Variants in GTF2F2 observed in about 807,000 individuals in gnomAD.
The protein encoded by GTF2F2 is general transcription factor IIF subunit 2.
GTF2F2 carries 23 observed loss-of-function variants against 42.2 expected under a neutral mutation model. That is an observed-to-expected ratio of 0.55 (90% CI 0.39 to 0.77). The LOEUF (loss-of-function observed/expected upper bound fraction) is 0.77, where lower values mean the gene tolerates loss of function less well. Ranked by LOEUF, GTF2F2 falls within the 30% of genes least tolerant of loss-of-function variation. GTF2F2 has a pLI of 0.00. For synonymous variants in GTF2F2, 105 were observed against 100.8 expected (o/e 1.04, Z -0.25); for missense variants, 261 against 287.2 (o/e 0.91, Z 0.66).
intron 4 of GTF2F2, among the ~76,000 whole-genome samples, chr13:45,197,485 G>A (rs1388844273): frequency 6.7e-6 from 1 of 149,262 alleles, no homozygotes; most frequent in African/African-American, 2.5e-5. Context: ...CTCCAGTCTG[G>A]GCAACACAGT....
chr13:45,120,598 G>T lies in GTF2F2; in HGVS notation c.-58G>T. ...CTTTGTTCCGGACGCCCGCTCCTCA[G>T]CCCTGCGGCTCCTGGGGTCGCTGCT... On this transcript the variant is annotated 5_prime_UTR_variant, in exon 1 of 8. Coordinates refer to ENST00000340473, the MANE Select transcript of GTF2F2 (RefSeq NM_004128.3). 4 of 1,315,174 alleles carry T rather than the reference G, an allele frequency of 3.0e-6. No homozygotes were observed. Among genetic ancestry groups the T allele is most frequent in the Non-Finnish European group, 4.3e-6 (4 of 932,930 alleles). The allele number at this position is 1,315,174 out of a possible 1,614,324, so 81.5% of individuals were successfully genotyped here.
Position 45,255,114 on chromosome 13 carries a change from C to T in GTF2F2, c.486+2144C>T, listed in dbSNP as rs55953720. ...CCAGGAGGCAGAAGTTGCAGTGAGC[C>T]GAGATCACACCATTGCACTCCAGCC... On this transcript the variant is annotated intron_variant, in intron 6 of 7. Transcript: ENST00000340473. Among the ~76,000 whole-genome samples, 886 of 137,550 alleles carry T rather than the reference C, an allele frequency of 6.4e-3. 3 individuals carry two copies. The highest frequency in any genetic ancestry group is 0.023 in the African/African-American group (829 of 36,246). 90.2% of individuals were successfully genotyped at this position (137,550 alleles called of 152,430 possible).
chr13:45,176,337 C>T (rs972595149), intron 4 of GTF2F2, among the ~76,000 whole-genome samples: 1 of 152,102 alleles, frequency 6.6e-6, no homozygotes, highest in East Asian at 1.9e-4. Context: ...AAAATCTTAA[C>T]TGTTATGGTG....
chr13:45,255,011 A>G (rs1409313504), intron 6 of GTF2F2, among the ~76,000 whole-genome samples: 2 of 152,012 alleles, frequency 1.3e-5, no homozygotes, highest in Non-Finnish European at 2.9e-5. Context: ...TACTAAAAAT[A>G]CAAAAATTAG....
intron 2 of GTF2F2, among the ~76,000 whole-genome samples, chr13:45,137,137 G>A (rs1032704649): frequency 6.6e-6 from 1 of 152,198 alleles, no homozygotes; most frequent in African/African-American, 2.4e-5. Context: ...GCTTAGGCTG[G>A]GTATAACTGG....
At chr13:45,124,285 T>C (rs1868851353) in intron 1 of GTF2F2, 1 of 249,980 alleles carries the variant, frequency 4.0e-6, no homozygotes, top group East Asian at 1.0e-4. Flanking sequence ...GGTTTCACCG[T>C]GTTAGCCAGG....
At chr13:45,235,039 CTCAAA>C (rs1477582475) in intron 5 of GTF2F2, among the ~76,000 whole-genome samples, 1 of 10,414 alleles carries the variant, frequency 9.6e-5, no homozygotes, top group African/African-American at 7.1e-4. Context: ...GAGCGGGAAA[CTCAAA>C]AAAAAAAAAA....
At chr13:45,213,504 G>A (rs1374126936) in intron 5 of GTF2F2, among the ~76,000 whole-genome samples, 1 of 152,108 alleles carries the variant, frequency 6.6e-6, no homozygotes, top group Non-Finnish European at 1.5e-5. Context: ...AGGATCTTGT[G>A]TTCCTCTTTT....
intron 4 of GTF2F2, among the ~76,000 whole-genome samples, chr13:45,161,518 C>G (rs1871034813): frequency 6.6e-6 from 1 of 152,094 alleles, no homozygotes; most frequent in South Asian, 2.1e-4. Context: ...CACTGAATTG[C>G]ATGCCTGTTT....
intron 4 of GTF2F2, among the ~76,000 whole-genome samples, chr13:45,191,222 AAAATATATATATATATATAT>A (rs1462801723): frequency 1.4e-5 from 1 of 69,986 alleles, no homozygotes; most frequent in Admixed American, 1.4e-4. Context: ...ATACAAAAAA[AAAATATATATATATATATAT>A]ATATATATAT....
At chr13:45,121,849 A>G (rs1361733265) in intron 1 of GTF2F2, among the ~76,000 whole-genome samples, 1 of 152,184 alleles carries the variant, frequency 6.6e-6, no homozygotes, top group African/African-American at 2.4e-5. Flanking sequence ...ACTTAAAAGG[A>G]TGGATTAAAT....
Position 45,149,753 on chromosome 13 carries a change from C to A in GTF2F2, c.141-17C>A, listed in dbSNP as rs767193474. The A allele has an allele frequency of 9.3e-6, 14 of 1,499,414 alleles. No homozygotes were observed. In the African/African-American group the frequency reaches 1.3e-4, roughly 14 times the overall value. The allele number at this position is 1,499,414 out of a possible 1,614,324, so 92.9% of individuals were successfully genotyped here. On this transcript the variant is annotated splice_polypyrimidine_tract_variant and intron_variant, in intron 2 of 7. Transcript: ENST00000340473. The stretch of plus-strand genomic sequence containing the variant: ...GAAATCTAAATTATTTTAAATATTT[C>A]TTTTCCTCTCCTTTAGGACTCAAGG...
At chr13:45,186,063 C>CAAACGA (rs1306416809) in intron 4 of GTF2F2, among the ~76,000 whole-genome samples, 2 of 151,952 alleles carry the variant, frequency 1.3e-5, no homozygotes, top group African/African-American at 4.8e-5. Flanking sequence ...CAACCTCTGC[C>CAAACGA]TCCTGGGTTC....
chr13:45,164,382 T>C (rs1158510855), intron 4 of GTF2F2, among the ~76,000 whole-genome samples: 1 of 152,180 alleles, frequency 6.6e-6, no homozygotes, highest in African/African-American at 2.4e-5. Context: ...AAAACTGACC[T>C]ATTTTTTTAA....
intron 7 of GTF2F2, among the ~76,000 whole-genome samples, chr13:45,282,061 C>T (rs1039114200): frequency 5.3e-5 from 8 of 151,930 alleles, no homozygotes; most frequent in East Asian, 1.9e-4. Flanking sequence ...TTTAGCTGGG[C>T]GTGGTGGCAT....
At chr13:45,270,730 C>T (rs1421782223) in intron 7 of GTF2F2, among the ~76,000 whole-genome samples, 2 of 152,308 alleles carry the variant, frequency 1.3e-5, no homozygotes, top group African/African-American at 2.4e-5. Flanking sequence ...TAGAAAATTA[C>T]AGGAGGCCTA....
chr13:45,122,836 T>C (rs1224186768), intron 1 of GTF2F2, among the ~76,000 whole-genome samples: 2 of 152,216 alleles, frequency 1.3e-5, no homozygotes, highest in Non-Finnish European at 2.9e-5. Flanking sequence ...TCACGGTTTA[T>C]AGATCATCTT....
In GTF2F2 at chr13:45,259,413, C is replaced by T. The variant is rs577447227; in HGVS notation, c.486+6443C>T. On this transcript the variant is annotated intron_variant, in intron 6 of 7. Transcript: ENST00000340473. ...TGCACTCCAGTCTGGGCAACAAGAG[C>T]GAAACTCCATCTCAAAAAAAACAAA... Among the ~76,000 whole-genome samples, 15 of 151,894 alleles carry T rather than the reference C, an allele frequency of 9.9e-5. No homozygotes were observed. The South Asian group carries it at 1.7e-3, about 17-fold the overall frequency.
chr13:45,229,565 G>T (rs1004502417), intron 5 of GTF2F2, among the ~76,000 whole-genome samples: 1 of 152,002 alleles, frequency 6.6e-6, no homozygotes, highest in Non-Finnish European at 1.5e-5. Flanking sequence ...GTATAAATAT[G>T]TATTAATATT....
Sources: gnomAD v4.1 joint callset for allele counts (sites outside exome capture counted in the v4.1 genomes callset) on GRCh38, gnomAD v4.1.1 for gene constraint, MANE v1.5 for transcripts, NCBI Gene and HGNC (gene_info 2026-07-23, HGNC 2026-07-21) for gene names.